The following DNAH5 variants were observed in gnomAD, a reference collection of about 807,000 sequenced individuals.
The protein encoded by DNAH5 is axonemal beta dynein heavy chain 5.
In DNAH5, 372 loss-of-function variants were observed where a neutral mutation model predicts 518.2. That is an observed-to-expected ratio of 0.72 (90% confidence interval 0.66 to 0.78). The LOEUF is 0.78. DNAH5 is among the 30% of genes least tolerant of loss of function. DNAH5 has a pLI of 0.00. For missense variants in DNAH5, 5,523 were observed against 5,687.0 expected (o/e 0.97, Z 0.93); for synonymous variants, 2,039 against 2,025.9 (o/e 1.01, Z -0.17).
rs753819192 is a variant in DNAH5 at position 13,864,448 on chromosome 5, C to T, written c.4545G>A (p.Lys1515=). 2.5e-6 allele frequency: 4 copies of T among 1,614,142 alleles called. No homozygotes were observed. The highest frequency in any genetic ancestry group is 3.4e-6 in the Non-Finnish European group (4 of 1,179,994). Residue 1515 remains lysine (K), a synonymous_variant, in exon 28 of 79, where the codon AAG becomes AAA. Coordinates refer to ENST00000265104, the MANE Select transcript of DNAH5 (RefSeq NM_001369.3). ...GAGGTGCCTCCATGATATTTCTTAA[C>T]TTAAAGCTTTCATTCCCCACATCCA... ...HSLDVGNESF[K]LRNIMEAPLL... is the part of the protein sequence containing the mutation.
At chr5:13,854,928 T>C (rs1580602718) in intron 30 of DNAH5, among the ~76,000 whole-genome samples, 1 of 152,216 alleles carries the variant, frequency 6.6e-6, no homozygotes, top group South Asian at 2.1e-4. Context: ...TGGGAGACTT[T>C]TTTTAACATG....
intron 31 of DNAH5, 31 bp from the exon 32 acceptor site, chr5:13,845,024 T>C: frequency 1.9e-6 from 3 of 1,608,330 alleles, no homozygotes; most frequent in Non-Finnish European, 2.6e-6. Flanking sequence ...TAAACCTTTA[T>C]AACCACACAA....
intron 1 of DNAH5, among the ~76,000 whole-genome samples, chr5:13,991,672 A>T (rs1783561981): frequency 6.6e-6 from 1 of 152,002 alleles, no homozygotes; most frequent in South Asian, 2.1e-4. Flanking sequence ...TCATGGAGAA[A>T]CGAGGGAGGC....
At chr5:13,940,124 C>T (rs1394385722) in intron 1 of DNAH5, among the ~76,000 whole-genome samples, 12 of 152,172 alleles carry the variant, frequency 7.9e-5, no homozygotes, top group Non-Finnish European at 1.5e-5. Context: ...TGTGAATTTT[C>T]CACCCAGACC....
rs2151857346 is a variant in DNAH5, at chr5:13,839,480, A to C, written c.5758T>G (p.Cys1920Gly). 1.9e-6 allele frequency: 3 copies of C among 1,614,102 alleles called. No individual in the cohort carries two copies. The highest frequency in any genetic ancestry group is 2.5e-6 in the Non-Finnish European group (3 of 1,179,968). Residue 1920 changes from cysteine (C) to glycine (G), a missense_variant, in exon 35 of 79, where the codon TGC becomes GGC. This residue lies in a region of DNAH5 where 5,121 missense variants were observed against 5,223.3 expected (regional missense o/e 0.98). Coordinates refer to ENST00000265104, the MANE Select transcript of DNAH5 (RefSeq NM_001369.3). ...GAATCTTCGTTAAAGTAAAATCTGC[A>C]CTGTTTCAGCCACTCAAAGTCCATG... ...SPMDFEWLKQ[C>G]RFYFNEDSDK...
At chr5:13,801,994 C>T (rs1157523147) in intron 47 of DNAH5, among the ~76,000 whole-genome samples, 1 of 151,984 alleles carries the variant, frequency 6.6e-6, no homozygotes, top group Non-Finnish European at 1.5e-5. Context: ...TAGCCAAATT[C>T]ACATTGTGAA....
chr5:13,871,085 T>A (rs1770034910), intron 23 of DNAH5, 83 bp from the exon 24 acceptor site: 1 of 1,023,202 alleles, frequency 9.8e-7, no homozygotes, highest in Admixed American at 2.3e-5. Context: ...TCTCCAGTAG[T>A]AAATATTTTA....
intron 12 of DNAH5, among the ~76,000 whole-genome samples, chr5:13,908,516 G>A (rs1775625303): frequency 6.6e-6 from 1 of 152,162 alleles, no homozygotes; most frequent in Non-Finnish European, 1.5e-5. Context: ...CTTGTTCTGA[G>A]CCTTGGTCCA....
intron 53 of DNAH5, among the ~76,000 whole-genome samples, 184 bp from the exon 54 acceptor site, chr5:13,777,539 T>C (rs972837517): frequency 2.6e-5 from 4 of 152,214 alleles, no homozygotes; most frequent in African/African-American, 9.6e-5. Context: ...TAAAACATTA[T>C]AATTAATTAA....
At chr5:13,933,799 A>AAC (rs1778650673) in intron 1 of DNAH5, among the ~76,000 whole-genome samples, 1 of 151,818 alleles carries the variant, frequency 6.6e-6, no homozygotes, top group Middle Eastern at 3.2e-3. Context: ...CAAAAAAAAA[A>AAC]AAAAAAAAAA....
chr5:13,798,798 A>G (rs1319200870), intron 47 of DNAH5, among the ~76,000 whole-genome samples: 1 of 149,784 alleles, frequency 6.7e-6, no homozygotes, highest in Non-Finnish European at 1.5e-5. Flanking sequence ...ATTTTGAGAC[A>G]GTGTCTTGCT....
intron 61 of DNAH5, among the ~76,000 whole-genome samples, chr5:13,755,348 C>T (rs903416446): frequency 1.3e-5 from 2 of 151,616 alleles, no homozygotes; most frequent in Admixed American, 6.6e-5. Context: ...ACTCTGAAGC[C>T]ATAAAAAAAT....
intron 16 of DNAH5, among the ~76,000 whole-genome samples, chr5:13,893,118 A>G (rs895634631): frequency 6.6e-6 from 1 of 152,138 alleles, no homozygotes; most frequent in Admixed American, 6.6e-5. Flanking sequence ...TCTGAACCCT[A>G]AGTTTTTTGG....
chr5:13,789,320 G>A (rs192118809), intron 50 of DNAH5, among the ~76,000 whole-genome samples: 22 of 152,242 alleles, frequency 1.4e-4, no homozygotes, highest in Non-Finnish European at 2.5e-4. Context: ...TTACAAAGGT[G>A]TATTCACTTA....
At chr5:13,861,432 A>G (rs1768400138) in intron 29 of DNAH5, among the ~76,000 whole-genome samples, 1 of 152,254 alleles carries the variant, frequency 6.6e-6, no homozygotes, top group Non-Finnish European at 1.5e-5. Flanking sequence ...ACACATATAT[A>G]TGGAGAATTG....
chr5:13,922,606 A>C (rs542421982), intron 4 of DNAH5, among the ~76,000 whole-genome samples: 1 of 151,902 alleles, frequency 6.6e-6, no homozygotes, highest in African/African-American at 2.4e-5. Flanking sequence ...AGGCACCTGT[A>C]ATCCCAGCTA....
At chr5:13,713,861 C>T (rs1325979440) in intron 75 of DNAH5, among the ~76,000 whole-genome samples, 1 of 151,958 alleles carries the variant, frequency 6.6e-6, no homozygotes, top group Non-Finnish European at 1.5e-5. Context: ...AAAATTAATT[C>T]AATTTAAAAA....
intron 47 of DNAH5, among the ~76,000 whole-genome samples, chr5:13,806,103 T>C (rs1208832236): frequency 6.6e-6 from 1 of 152,234 alleles, no homozygotes; most frequent in African/African-American, 2.4e-5. Flanking sequence ...AATAATGTTA[T>C]AATTATAACC....
At chr5:13,772,868 AT>A (rs1753540964) in intron 55 of DNAH5, among the ~76,000 whole-genome samples, 1 of 152,226 alleles carries the variant, frequency 6.6e-6, no homozygotes. Context: ...GGAGGTAATA[AT>A]TTAATTCAGA....
Sources: gnomAD v4.1 joint callset for allele counts (sites outside exome capture counted in the v4.1 genomes callset) on GRCh38, gnomAD v4.1.1 for gene constraint, gnomAD v4.1.1 regional missense constraint, MANE v1.5 for transcripts, NCBI Gene and HGNC (gene_info 2026-07-23, HGNC 2026-07-21) for gene names.